The following BCAR1 variants were observed in gnomAD, a reference collection of about 807,000 sequenced individuals.
The protein encoded by BCAR1 is BCAR1 scaffold protein, Cas family member, also known as breast cancer anti-estrogen resistance protein 1.
A neutral mutation model predicts 67.6 loss-of-function variants in BCAR1; 30 were observed. That is an observed-to-expected ratio of 0.44 (90% CI 0.33 to 0.60). BCAR1 has a LOEUF of 0.60. BCAR1 is among the 20% of genes least tolerant of loss of function. The pLI is 0.02. For synonymous variants in BCAR1, 626 were observed against 556.7 expected, an observed-to-expected ratio of 1.12 and a Z score of -1.75; for missense variants, 1,313 against 1,222.3, an observed-to-expected ratio of 1.07 and a Z score of -1.11.
At chr16:75,231,073 G>A in intron 6 of BCAR1, among the ~76,000 whole-genome samples, 1 of 150,532 alleles carries the variant, frequency 6.6e-6, no homozygotes, top group Middle Eastern at 3.2e-3. Context: ...TAAAGAAGGA[G>A]TCTTGATCTG....
chr16:75,229,546 A>G lies in BCAR1; in HGVS notation c.2578T>C (p.Phe860Leu). The G allele has an allele frequency of 6.2e-7, 1 of 1,600,976 alleles. No homozygotes were observed. The highest frequency in any genetic ancestry group is 8.5e-7 in the Non-Finnish European group (1 of 1,174,232). Residue 860 changes from phenylalanine to leucine, a missense_variant, in exon 7 of 7, where the codon TTC becomes CTC. Transcript: ENST00000162330. ...VKELGHSTQQ[F>L]RRVLGQLAAA Reference sequence around the variant, plus strand: ...GCCAGCTGGCCTAGGACGCGGCGGAACTGCTGGGTGCTGTGGCCCAGCTCC... The same window carrying G: ...GCCAGCTGGCCTAGGACGCGGCGGAGCTGCTGGGTGCTGTGGCCCAGCTCC...
At chr16:75,264,150 C>T (rs1303219919) in intron 1 of BCAR1, 11 of 1,307,164 alleles carry the variant, frequency 8.4e-6, no homozygotes, top group Non-Finnish European at 8.7e-6. Context: ...TCTCTTGTTA[C>T]AGATGAGGCA....
At chr16:75,239,277 A>G (rs1225167565) in intron 2 of BCAR1, among the ~76,000 whole-genome samples, 2 of 152,058 alleles carry the variant, frequency 1.3e-5, no homozygotes, top group Non-Finnish European at 2.9e-5. Context: ...CCAGGAGGAG[A>G]GAACAGAGGC....
chr16:75,233,942 G>C lies in BCAR1; in HGVS notation c.2011-7C>G. The stretch of plus-strand genomic sequence containing the variant: ...TCTCAAACTCCTCCTTCCCCTGGAG[G>C]GCAGAGACAGGGGCTGCGCTGAGGC... On this transcript the variant is annotated splice_region_variant and splice_polypyrimidine_tract_variant and intron_variant, in intron 5 of 6. Coordinates refer to ENST00000162330, the MANE Select transcript of BCAR1 (RefSeq NM_014567.5). The C allele has an allele frequency of 6.3e-7, 1 of 1,598,036 alleles. No homozygotes were observed. Among genetic ancestry groups the C allele is most frequent in the Non-Finnish European group, 8.5e-7 (1 of 1,171,622 alleles).
chr16:75,243,147 C>G lies in BCAR1; in HGVS notation c.13-57G>C, dbSNP rs1046901925. Reference sequence around the variant, plus strand: ...AAGGATGTGCATGGGGCGTCAGGGGCTCCCCAGCTCCTGCCCTGCTCTGGG... The same window carrying G: ...AAGGATGTGCATGGGGCGTCAGGGGGTCCCCAGCTCCTGCCCTGCTCTGGG... On this transcript the variant is annotated intron_variant, in intron 1 of 6. Transcript: ENST00000162330. 2.0e-6 allele frequency: 3 copies of G among 1,508,626 alleles called. No individual in the cohort carries two copies. The African/African-American group carries it at 4.2e-5, about 21-fold the overall frequency. 93.5% of individuals were successfully genotyped at this position (1,508,626 alleles called of 1,614,324 possible). A position where few individuals can be genotyped will look rare whatever the true frequency, so the allele number is the denominator to read the frequency against.
At chr16:75,261,512 C>A (rs974987121) in intron 1 of BCAR1, among the ~76,000 whole-genome samples, 1 of 152,282 alleles carries the variant, frequency 6.6e-6, no homozygotes, top group African/African-American at 2.4e-5. Flanking sequence ...TGAGCAGAGG[C>A]CTGCACCACT....
intron 1 of BCAR1, among the ~76,000 whole-genome samples, chr16:75,245,159 C>T (rs2077475316): frequency 6.6e-6 from 1 of 152,104 alleles, no homozygotes; most frequent in Non-Finnish European, 1.5e-5. Flanking sequence ...TCCCAGGCGG[C>T]CAGCAAGACA....
At chr16:75,236,330 G>A (rs2077133028) in intron 4 of BCAR1, 2 of 390,950 alleles carry the variant, frequency 5.1e-6, no homozygotes, top group South Asian at 8.7e-5. Flanking sequence ...TTGTGTCACT[G>A]CAGACACTCA....
In BCAR1 at chr16:75,229,353, C is replaced by A; in HGVS notation, c.*158G>T. On this transcript the variant is annotated 3_prime_UTR_variant, in exon 7 of 7. Coordinates refer to ENST00000162330, the MANE Select transcript of BCAR1 (RefSeq NM_014567.5). ...AGGCATGGCCCCACACCCTGCCCGGCCATAAATATATACAGATTCCTGGGC... is the reference window on the plus strand; with the variant it reads ...AGGCATGGCCCCACACCCTGCCCGGACATAAATATATACAGATTCCTGGGC... 2.5e-6 allele frequency: 3 copies of A among 1,208,616 alleles called. No individual in the cohort carries two copies. The highest frequency in any genetic ancestry group is 3.3e-6 in the Non-Finnish European group (3 of 901,108). 74.9% of individuals were successfully genotyped at this position (1,208,616 alleles called of 1,614,324 possible). A position where few individuals can be genotyped will look rare whatever the true frequency, so the allele number is the denominator to read the frequency against.
chr16:75,235,531 C>T lies in BCAR1; in HGVS notation c.1368G>A (p.Leu456=), dbSNP rs2077083355. 5.0e-6 allele frequency: 8 copies of T among 1,595,552 alleles called. 1 individual carries two copies. In the Admixed American group the frequency reaches 5.3e-5, roughly 11 times the overall value. ...VAGPGREPLE[L]EVAVEALARL... Reference sequence around the variant, plus strand: ...GTGCCAGGGCCTCCACAGCAACTTCCAGCTCCAGGGGTTCCCGGCCCGGCC... The same window carrying T: ...GTGCCAGGGCCTCCACAGCAACTTCTAGCTCCAGGGGTTCCCGGCCCGGCC... Residue 456 remains leucine, a synonymous_variant, in exon 5 of 7, where the codon CTG becomes CTA. Transcript: ENST00000162330.
chr16:75,237,993 C>T, intron 2 of BCAR1: 1 of 1,272,092 alleles, frequency 7.9e-7, no homozygotes, highest in South Asian at 1.2e-5. Context: ...CCCGGGGGAG[C>T]TGCCTGCAGC....
intron 1 of BCAR1, chr16:75,263,163 TGG>T: frequency 1.0e-6 from 1 of 970,812 alleles, no homozygotes; most frequent in Middle Eastern, 5.3e-4. Flanking sequence ...GGAGCTGGAG[TGG>T]CCACACTCAC....
chr16:75,230,320 A>G (rs1217415682), intron 6 of BCAR1, among the ~76,000 whole-genome samples: 1 of 152,136 alleles, frequency 6.6e-6, no homozygotes, highest in Non-Finnish European at 1.5e-5. Flanking sequence ...TCGGGGGGTC[A>G]CCGTCCTGGC....
Position 75,236,001 on chromosome 16 carries a change from GT to G in BCAR1, c.913-16del. The stretch of plus-strand genomic sequence containing the variant: ...ACGTCGTAGACCTGGGGGACAAGCG[GT>G]GGTCAAGACTGTCCATCTGTCCATC... On this transcript the variant is annotated splice_polypyrimidine_tract_variant and intron_variant, in intron 4 of 6. Transcript: ENST00000162330. The G allele has an allele frequency of 6.4e-7, 1 of 1,558,690 alleles. No individual in the cohort carries two copies. Among genetic ancestry groups the G allele is most frequent in the Non-Finnish European group, 8.7e-7 (1 of 1,151,546 alleles).
rs72802399 is a variant in BCAR1, at chr16:75,259,327, C to T, written c.66+8588G>A. On this transcript the variant is annotated intron_variant, in intron 1 of 6. Coordinates refer to the BCAR1 transcript ENST00000393422. ...TTTGCCAACAATAGTGCCAGTGTTC[C>T]GCTACTTAATAACACACAGCACAAG... Among the ~76,000 whole-genome samples the T allele has an allele frequency of 1.6e-3, 248 of 152,282 alleles. 2 individuals are homozygous for T. Among genetic ancestry groups the T allele is most frequent in the Middle Eastern group, 3.4e-3 (1 of 294 alleles).
At chr16:75,244,434 A>G (rs1344459536) in intron 1 of BCAR1, among the ~76,000 whole-genome samples, 1 of 152,170 alleles carries the variant, frequency 6.6e-6, no homozygotes, top group Non-Finnish European at 1.5e-5. Context: ...TCAAGTCCCT[A>G]GGGCCCACCC....
chr16:75,253,894 G>A (rs1021123781), upstream of BCAR1, among the ~76,000 whole-genome samples: 1 of 152,156 alleles, frequency 6.6e-6, no homozygotes, highest in Non-Finnish European at 1.5e-5. Flanking sequence ...CGCCCAGCCA[G>A]TGCCAGGGGC....
At chr16:75,266,624 G>T in intron 1 of BCAR1, 1 of 910,654 alleles carries the variant, frequency 1.1e-6, no homozygotes, top group Admixed American at 3.9e-5. Context: ...CTGGGCACGT[G>T]CATGTTCGTC....
intron 1 of BCAR1, chr16:75,264,623 T>C: frequency 7.9e-7 from 1 of 1,268,572 alleles, no homozygotes; most frequent in East Asian, 3.0e-5. Context: ...TTACCACTTC[T>C]GGAGGCGAGC....
Sources: gnomAD v4.1 joint callset for allele counts (sites outside exome capture counted in the v4.1 genomes callset) on GRCh38, gnomAD v4.1.1 for gene constraint, MANE v1.5 for transcripts, NCBI Gene and HGNC (gene_info 2026-07-23, HGNC 2026-07-21) for gene names.